The following CTTN variants were observed in gnomAD, a reference collection of about 807,000 sequenced individuals.
CTTN encodes the protein cortactin, also known as src substrate cortactin.
CTTN carries 28 observed loss-of-function variants against 84.0 expected under a neutral mutation model. The ratio of observed to expected loss-of-function variants is 0.33; its 90% confidence interval spans 0.25 to 0.46. The LOEUF (loss-of-function observed/expected upper bound fraction) is 0.46. Ranked by LOEUF, CTTN falls within the 20% of genes least tolerant of loss-of-function variation. The pLI is 1.00. For missense variants in CTTN, 641 were observed against 723.8 expected (o/e 0.89, Z 1.31); for synonymous variants, 301 against 288.8 (o/e 1.04, Z -0.43).
intron 1 of CTTN, among the ~76,000 whole-genome samples, chr11:70,403,095 T>G (rs142272451): frequency 6.6e-6 from 1 of 152,286 alleles, no homozygotes; most frequent in East Asian, 1.9e-4. Flanking sequence ...TGTTGGCCAT[T>G]TGTATATCTC....
At chr11:70,421,840 C>G in intron 11 of CTTN, 1 of 457,522 alleles carries the variant, frequency 2.2e-6, no homozygotes, top group Non-Finnish European at 3.9e-6. Context: ...TCTTTCTAAC[C>G]CGGTGACCCA....
intron 1 of CTTN, among the ~76,000 whole-genome samples, chr11:70,401,425 G>A (rs2057978800): frequency 6.6e-6 from 1 of 151,396 alleles, no homozygotes; most frequent in East Asian, 2.0e-4. Context: ...GCAGTGAGCC[G>A]AGATCACACT....
rs769724188 is a variant in CTTN, at chr11:70,433,261, C to G, written c.1427C>G (p.Pro476Arg). ...TEAVYESAEAPGHYPAEDSTY... is the reference protein window; with the variant it reads ...TEAVYESAEARGHYPAEDSTY... ...GCTGTCTATGAAAGCGCAGAGGCCC[C>G]GGGCCACTATCCCGCAGGTACTGGG... is the stretch of plus-strand genomic sequence containing the variant. The change falls in exon 16 of 18, where the codon CCG becomes CGG. Residue 476 changes from proline to arginine, a missense_variant. Transcript: ENST00000301843. 2 of 1,611,176 alleles carry G rather than the reference C, an allele frequency of 1.2e-6. No homozygotes were observed. Among genetic ancestry groups the G allele is most frequent in the Admixed American group, 3.3e-5 (2 of 59,812 alleles).
In CTTN at chr11:70,435,988, A is replaced by T. The variant is rs2058413565; in HGVS notation, c.*826A>T. The T allele has an allele frequency of 1.4e-6, 2 of 1,428,150 alleles. No individual in the cohort carries two copies. Among genetic ancestry groups the T allele is most frequent in the Non-Finnish European group, 1.8e-6 (2 of 1,097,976 alleles). 88.5% of individuals were successfully genotyped at this position (1,428,150 alleles called of 1,614,324 possible). On this transcript the variant is annotated 3_prime_UTR_variant, in exon 18 of 18. Transcript: ENST00000301843. ...CACAAAGGCTGATGTCTTAACTGTC[A>T]CCCATATGGTCCCTGGGCCACCGGG...
chr11:70,430,674 T>G (rs920206556), intron 14 of CTTN, among the ~76,000 whole-genome samples: 5 of 152,182 alleles, frequency 3.3e-5, no homozygotes, highest in African/African-American at 9.7e-5. Flanking sequence ...CAGTTCATCC[T>G]TTGGCCCCTA....
chr11:70,420,373 G>A, intron 9 of CTTN, 27 bp from the exon 10 acceptor site: 4 of 1,485,960 alleles, frequency 2.7e-6, no homozygotes, highest in Non-Finnish European at 3.8e-6. Flanking sequence ...GTTAATGATG[G>A]GTTCTGGCCT....
At chr11:70,432,398 C>T (rs1218604345) in intron 15 of CTTN, among the ~76,000 whole-genome samples, 1 of 152,244 alleles carries the variant, frequency 6.6e-6, no homozygotes, top group South Asian at 2.1e-4. Flanking sequence ...ACCACTGGCT[C>T]TTCCCAGATC....
rs139443385 is a variant in CTTN, at chr11:70,417,620, C to T, written c.568+497C>T. On this transcript the variant is annotated intron_variant, in intron 8 of 17. Coordinates refer to ENST00000301843, the MANE Select transcript of CTTN (RefSeq NM_005231.4). ...AAGCAATTCTCGTGCTTCAGCCTCC[C>T]GGCTAGCCGGGATTACAAGCACACG... is the stretch of plus-strand genomic sequence containing the variant. Among the ~76,000 whole-genome samples the T allele has an allele frequency of 3.0e-3, 463 of 152,242 alleles. 4 individuals carry two copies. The highest frequency in any genetic ancestry group is 0.011 in the African/African-American group (448 of 41,532).
Position 70,424,544 on chromosome 11 carries a change from C to A in CTTN, c.958-788C>A, listed in dbSNP as rs566918349. ...AACCCAGGCTGGGAGGTGAAGTTGC[C>A]CCCTCAGGGCAAGGTGATGTCTGCA... is the stretch of plus-strand genomic sequence containing the variant. On this transcript the variant is annotated intron_variant, in intron 12 of 17. Coordinates refer to ENST00000301843, the MANE Select transcript of CTTN (RefSeq NM_005231.4). Among the ~76,000 whole-genome samples the A allele has an allele frequency of 5.3e-5, 8 of 152,036 alleles. No individual in the cohort carries two copies. The South Asian group carries it at 1.7e-3, about 32-fold the overall frequency.
intron 5 of CTTN, among the ~76,000 whole-genome samples, chr11:70,412,378 G>A (rs2058104582): frequency 6.6e-6 from 1 of 152,072 alleles, no homozygotes; most frequent in Non-Finnish European, 1.5e-5. Flanking sequence ...TCCTGTGATC[G>A]CACCATTACA....
At chr11:70,414,390 G>A (rs1328740783) in intron 5 of CTTN, 152 bp from the exon 6 acceptor site, 6 of 521,576 alleles carry the variant, frequency 1.2e-5, no homozygotes, top group African/African-American at 3.9e-5. Flanking sequence ...CCCAGGAGTC[G>A]TGTCGCCTTC....
At chr11:70,431,899 G>A (rs1242143597) in intron 15 of CTTN, among the ~76,000 whole-genome samples, 1 of 152,116 alleles carries the variant, frequency 6.6e-6, no homozygotes, top group Non-Finnish European at 1.5e-5. Flanking sequence ...GCACCTCTGC[G>A]CTAACCACAC....
chr11:70,400,761 C>T (rs2057969033), intron 1 of CTTN, among the ~76,000 whole-genome samples: 1 of 152,238 alleles, frequency 6.6e-6, no homozygotes, highest in Non-Finnish European at 1.5e-5. Context: ...TTGCAGTATT[C>T]CCATGGCCTG....
intron 11 of CTTN, chr11:70,422,735 G>T: frequency 6.9e-7 from 1 of 1,453,110 alleles, no homozygotes; most frequent in Non-Finnish European, 9.1e-7. Flanking sequence ...CCCCTGGCCT[G>T]TGCTCTGCTT....
At position 70,435,102 on chromosome 11, in the gene CTTN, C is replaced by A; in HGVS notation, c.1593C>A (p.Arg531=). The part of the protein sequence containing the change: ...NIEMIDDGWW[R]GVCKGRYGLF... ...AGATGATTGACGACGGCTGGTGGCG[C>A]GGGGTGTGCAAGGGCCGGTACGGGC... Residue 531 remains arginine (R), a synonymous_variant, in exon 18 of 18, where the codon CGC becomes CGA. Transcript: ENST00000301843. 17 of 1,613,916 alleles carry A rather than the reference C, an allele frequency of 1.1e-5. No homozygotes were observed. The highest frequency in any genetic ancestry group is 1.4e-5 in the Non-Finnish European group (16 of 1,180,030).
intron 2 of CTTN, 88 bp downstream of exon 2, chr11:70,405,449 T>C (rs1239632656): frequency 6.6e-6 from 1 of 152,238 alleles, no homozygotes; most frequent in East Asian, 1.9e-4. Flanking sequence ...GGGAGGTTGC[T>C]GTTTCTGTGG....
chr11:70,423,783 C>T lies in CTTN; in HGVS notation c.957+788C>T, dbSNP rs183626757. Among the ~76,000 whole-genome samples, 130 of 152,280 alleles carry T rather than the reference C, an allele frequency of 8.5e-4. 1 individual carries two copies. The East Asian group carries it at 0.023, about 26-fold the overall frequency. ...ACACACCACAGAGCATTCTGCATGT[C>T]GTGACATGCGTCACACACCACAGAG... On this transcript the variant is annotated intron_variant, in intron 12 of 17. Coordinates refer to ENST00000301843, the MANE Select transcript of CTTN (RefSeq NM_005231.4).
chr11:70,415,804 C>A, intron 7 of CTTN, 87 bp downstream of exon 7: 1 of 1,364,604 alleles, frequency 7.3e-7, no homozygotes, highest in South Asian at 1.2e-5. Context: ...CCCCGCGCTC[C>A]GGGGGCCCTG....
In CTTN at chr11:70,399,348, T is replaced by C. The variant is rs536534906; in HGVS notation, c.-98+734T>C. Among the ~76,000 whole-genome samples the C allele has an allele frequency of 3.4e-5, 5 of 148,904 alleles. No individual in the cohort carries two copies. In the East Asian group the frequency reaches 1.0e-3, roughly 31 times the overall value. On this transcript the variant is annotated intron_variant, in intron 1 of 17. Coordinates refer to ENST00000301843, the MANE Select transcript of CTTN (RefSeq NM_005231.4). Reference sequence around the variant, plus strand: ...AGGTATAGGGTCCGAGGGGAGGGGATTGGGGCTCCAGGGGAAGGGATCCAG... The same window carrying C: ...AGGTATAGGGTCCGAGGGGAGGGGACTGGGGCTCCAGGGGAAGGGATCCAG...
Sources: gnomAD v4.1 joint callset for allele counts (sites outside exome capture counted in the v4.1 genomes callset) on GRCh38, gnomAD v4.1.1 for gene constraint, MANE v1.5 for transcripts, NCBI Gene and HGNC (gene_info 2026-07-23, HGNC 2026-07-21) for gene names.